Variants in KIRREL3 observed in about 807,000 individuals in gnomAD.
KIRREL3 encodes the protein kirre like nephrin family adhesion molecule 3.
In KIRREL3, 36 loss-of-function variants were observed where a neutral mutation model predicts 89.7. That is an observed-to-expected ratio of 0.40 (90% CI 0.31 to 0.53). The LOEUF (loss-of-function observed/expected upper bound fraction) is 0.53, where lower values mean the gene tolerates loss of function less well. KIRREL3 is among the 20% of genes least tolerant of loss of function. The probability of loss-of-function intolerance (pLI) is 0.49; values close to 1 mark genes in which losing one functional copy is unlikely to be tolerated. For synonymous variants in KIRREL3, 445 were observed against 441.4 expected (o/e 1.01, Z -0.10); for missense variants, 864 against 1,056.6 (o/e 0.82, Z 2.53).
intron 4 of KIRREL3, among the ~76,000 whole-genome samples, chr11:126,482,474 A>G (rs1047891882): frequency 1.3e-5 from 2 of 152,248 alleles, no homozygotes; most frequent in Non-Finnish European, 2.9e-5. Flanking sequence ...TTTGTAAAAT[A>G]TGAATTAAAA....
intron 1 of KIRREL3, among the ~76,000 whole-genome samples, chr11:126,591,816 G>A (rs1193115966): frequency 2.0e-5 from 3 of 152,188 alleles, no homozygotes; most frequent in Non-Finnish European, 2.9e-5. Context: ...TACCAGTAAG[G>A]AAACTGAAGT....
Position 126,489,189 on chromosome 11 carries a change from G to A in KIRREL3, c.434-15723C>T, listed in dbSNP as rs371547308. Among the ~76,000 whole-genome samples, 1 of 152,182 alleles carries A rather than the reference G, an allele frequency of 6.6e-6. No individual in the cohort carries two copies. The highest frequency in any genetic ancestry group is 1.5e-5 in the Non-Finnish European group (1 of 68,040). ...CTGTAGATGGATGCGCTGCGTTTGC[G>A]GTGGAGAGCCGGCTGCATGGGAATC... On this transcript the variant is annotated intron_variant, in intron 4 of 16. Transcript: ENST00000525144. The surrounding 1 kb of genome is among the most constrained non-coding windows in gnomAD (Gnocchi z 5.5).
Position 126,709,186 on chromosome 11 carries a change from A to G in KIRREL3, c.56-146274T>C, listed in dbSNP as rs1365943429. Among the ~76,000 whole-genome samples the G allele has an allele frequency of 6.6e-6, 1 of 152,248 alleles. No individual in the cohort carries two copies. The highest frequency in any genetic ancestry group is 1.9e-4 in the East Asian group (1 of 5,196). ...TATAAAGTGTGTTTGATTATCCTTA[A>G]GCAAAAAGGTCAAGAAATTATTAGA... On this transcript the variant is annotated intron_variant, in intron 1 of 16. Transcript: ENST00000525144. This position sits in a 1 kb window ranked among gnomAD's most constrained non-coding sequence, Gnocchi z 4.0.
At chr11:126,743,229 A>C (rs1949038329) in intron 1 of KIRREL3, among the ~76,000 whole-genome samples, 1 of 152,202 alleles carries the variant, frequency 6.6e-6, no homozygotes, top group Non-Finnish European at 1.5e-5. Flanking sequence ...GCTGCTAAAC[A>C]GGGGCAAGTC....
Position 126,860,015 on chromosome 11 carries a change from A to G in KIRREL3, c.55+140440T>C, listed in dbSNP as rs1249416146. ...CTGATTTACCTTTAGAGCTGTATTA[A>G]CTCTGACGTTCTACTATTGTCTGAG... On this transcript the variant is annotated intron_variant, in intron 1 of 16. Transcript: ENST00000525144. The surrounding 1 kb of genome is among the most constrained non-coding windows in gnomAD (Gnocchi z 4.6). Among the ~76,000 whole-genome samples, 4 of 152,186 alleles carry G rather than the reference A, an allele frequency of 2.6e-5. No homozygotes were observed. Among genetic ancestry groups the G allele is most frequent in the Non-Finnish European group, 4.4e-5 (3 of 68,040 alleles).
intron 1 of KIRREL3, among the ~76,000 whole-genome samples, chr11:126,937,365 C>T (rs1948234704): frequency 1.3e-5 from 2 of 152,204 alleles, no homozygotes; most frequent in African/African-American, 4.8e-5. Context: ...TTGTAAAGCA[C>T]TTACAAAGTG....
In KIRREL3 at chr11:126,780,441, A is replaced by G. The variant is rs1458230311; in HGVS notation, c.56-217529T>C. 2.0e-5 allele frequency among the ~76,000 whole-genome samples: 3 copies of G among 152,296 alleles called. No homozygotes were observed. The East Asian group carries it at 5.8e-4, about 29-fold the overall frequency. On this transcript the variant is annotated intron_variant, in intron 1 of 16. Coordinates refer to ENST00000525144, the MANE Select transcript of KIRREL3 (RefSeq NM_032531.4). The surrounding 1 kb of genome is among the most constrained non-coding windows in gnomAD (Gnocchi z 5.3). ...TTTGCTGAACCATCCCTTCTATCTC[A>G]CTTACCTGATGTGGAACATATGCTG...
rs543145377 is a variant in KIRREL3 at position 126,694,163 on chromosome 11, C to T, written c.56-131251G>A. Among the ~76,000 whole-genome samples, 3 of 152,258 alleles carry T rather than the reference C, an allele frequency of 2.0e-5. No individual in the cohort carries two copies. The South Asian group carries it at 6.2e-4, about 32-fold the overall frequency. On this transcript the variant is annotated intron_variant, in intron 1 of 16. Coordinates refer to ENST00000525144, the MANE Select transcript of KIRREL3 (RefSeq NM_032531.4). The surrounding 1 kb of genome is among the most constrained non-coding windows in gnomAD (Gnocchi z 4.4). ...CATTCGTTTTTTTTCCTTTCAAAGT[C>T]GTCAGGCAGTAAAAGAAAATTGCAG... is the stretch of plus-strand genomic sequence containing the variant.
rs619996 is a variant in KIRREL3, at chr11:126,568,046, G to A, written c.56-5134C>T. Among the ~76,000 whole-genome samples the A allele has an allele frequency of 0.42, 63,477 of 151,920 alleles. 13,808 individuals carry two copies. Among genetic ancestry groups the A allele is most frequent in the Admixed American group, 0.52 (7,950 of 15,272 alleles). On this transcript the variant is annotated intron_variant, in intron 1 of 16. Transcript: ENST00000525144. This position sits in a 1 kb window ranked among gnomAD's most constrained non-coding sequence, Gnocchi z 4.6. ...ACCTGAAGCTAGTAGACTCGAGCAC[G>A]TCTCTGGAAGCCTATCAAACAAGAA...
rs1452842628 is a variant in KIRREL3, at chr11:126,531,436, C to T, written c.134-4749G>A. 2.6e-5 allele frequency among the ~76,000 whole-genome samples: 4 copies of T among 152,172 alleles called. No homozygotes were observed. The highest frequency in any genetic ancestry group is 4.8e-5 in the African/African-American group (2 of 41,436). ...ACTTCCCATGCTGGATTCTAATCTC[C>T]AAAATCCAGCTCCTTTTCTTCCTGG... On this transcript the variant is annotated intron_variant, in intron 2 of 16. Coordinates refer to ENST00000525144, the MANE Select transcript of KIRREL3 (RefSeq NM_032531.4). The surrounding 1 kb of genome is among the most constrained non-coding windows in gnomAD (Gnocchi z 4.7).
intron 4 of KIRREL3, among the ~76,000 whole-genome samples, chr11:126,487,800 G>C (rs1020952219): frequency 6.6e-6 from 1 of 152,248 alleles, no homozygotes; most frequent in Non-Finnish European, 1.5e-5. Flanking sequence ...ACAGTCACTG[G>C]AAGTGAGCTT....
In KIRREL3 at chr11:126,978,404, T is replaced by C. The variant is rs967025975; in HGVS notation, c.55+22051A>G. Among the ~76,000 whole-genome samples, 1 of 152,224 alleles carries C rather than the reference T, an allele frequency of 6.6e-6. No individual in the cohort carries two copies. Among genetic ancestry groups the C allele is most frequent in the Non-Finnish European group, 1.5e-5 (1 of 68,046 alleles). ...GAATGAACCTGCATTCTTTTCTTTG[T>C]TAACCCAACCCCTGGCAGCAATTAT... is the stretch of plus-strand genomic sequence containing the variant. On this transcript the variant is annotated intron_variant, in intron 1 of 16. Coordinates refer to ENST00000525144, the MANE Select transcript of KIRREL3 (RefSeq NM_032531.4). The surrounding 1 kb of genome is among the most constrained non-coding windows in gnomAD (Gnocchi z 4.2).
chr11:126,648,409 G>A (rs11607406), intron 1 of KIRREL3, among the ~76,000 whole-genome samples: 6,239 of 152,120 alleles, frequency 0.041, 158 homozygotes, highest in Middle Eastern at 0.11. Context: ...TCCTGTCCTC[G>A]GTCCCTCCCC....
chr11:126,569,099 G>A lies in KIRREL3; in HGVS notation c.56-6187C>T, dbSNP rs1466831783. Among the ~76,000 whole-genome samples the A allele has an allele frequency of 1.1e-4, 16 of 152,018 alleles. No individual in the cohort carries two copies. The highest frequency in any genetic ancestry group is 1.0e-4 in the Non-Finnish European group (7 of 68,020). On this transcript the variant is annotated intron_variant, in intron 1 of 16. Transcript: ENST00000525144. The surrounding 1 kb of genome is among the most constrained non-coding windows in gnomAD (Gnocchi z 6.5). Reference sequence around the variant, plus strand: ...ACAGTGGTGCTAAGTGACAGAGTGGGTCAAGCAGAGGAAGAGGGCAAGGAT... The same window carrying A: ...ACAGTGGTGCTAAGTGACAGAGTGGATCAAGCAGAGGAAGAGGGCAAGGAT...
At chr11:126,461,108 C>G (rs1160229110) in intron 6 of KIRREL3, among the ~76,000 whole-genome samples, 2 of 152,234 alleles carry the variant, frequency 1.3e-5, no homozygotes, top group Non-Finnish European at 2.9e-5. Flanking sequence ...CCTTGGATGT[C>G]ATTTGGCCAA....
chr11:126,865,685 G>A (rs551037297), intron 1 of KIRREL3, among the ~76,000 whole-genome samples: 137 of 152,326 alleles, frequency 9.0e-4, no homozygotes, highest in South Asian at 7.2e-3. Context: ...CTGAGGGATC[G>A]ACGAAGTCTC....
intron 1 of KIRREL3, among the ~76,000 whole-genome samples, chr11:126,711,165 C>T (rs1947739414): frequency 6.6e-6 from 1 of 152,206 alleles, no homozygotes; most frequent in African/African-American, 2.4e-5. Context: ...AATCTCTGCT[C>T]CATCTTTTTA....
At chr11:126,980,710 G>C (rs1949697533) in intron 1 of KIRREL3, among the ~76,000 whole-genome samples, 1 of 152,148 alleles carries the variant, frequency 6.6e-6, no homozygotes, top group African/African-American at 2.4e-5. Context: ...CTGGTGACTT[G>C]GCATCCACAC....
chr11:126,701,336 G>T (rs1405265294), intron 1 of KIRREL3, among the ~76,000 whole-genome samples: 1 of 152,142 alleles, frequency 6.6e-6, no homozygotes, highest in Non-Finnish European at 1.5e-5. Context: ...GACATGTTGA[G>T]CAGCACCGAG....
Sources: allele counts gnomAD v4.1 joint callset (sites outside exome capture counted in the v4.1 genomes callset), GRCh38; gene constraint gnomAD v4.1.1; non-coding constraint Gnocchi (gnomAD v3.1); transcripts MANE v1.5; gene names NCBI Gene and HGNC (gene_info 2026-07-23, HGNC 2026-07-21).